PHKA1: variants seen among roughly 807,000 people sequenced by gnomAD.
PHKA1 encodes the protein phosphorylase b kinase regulatory subunit alpha, skeletal muscle isoform.
A neutral mutation model predicts 110.2 loss-of-function variants in PHKA1; 60 were observed. The ratio of observed to expected loss-of-function variants is 0.54; its 90% CI spans 0.44 to 0.68. The LOEUF (loss-of-function observed/expected upper bound fraction) is 0.68. PHKA1 is among the 30% of genes least tolerant of loss of function. The pLI, the probability that PHKA1 is intolerant of heterozygous loss-of-function variation, is 0.00. For missense variants in PHKA1, 801 were observed against 942.5 expected, an observed-to-expected ratio of 0.85 and a Z score of 1.97; for synonymous variants, 316 against 333.6, an observed-to-expected ratio of 0.95 and a Z score of 0.58.
chrX:72,635,767 T>C (rs2053222867), intron 15 of PHKA1, among the ~76,000 whole-genome samples: 2 of 111,795 alleles, frequency 1.8e-5, no homozygotes, highest in South Asian at 7.5e-4. Context: ...CTCCTCCCCA[T>C]AAACACATAC....
At chrX:72,591,204 C>G (rs1463973613) in intron 29 of PHKA1, among the ~76,000 whole-genome samples, 5 of 112,041 alleles carry the variant, frequency 4.5e-5, no homozygotes, top group Non-Finnish European at 7.5e-5. Context: ...AAATGTGGCA[C>G]ATATATACCA....
At chrX:72,642,654 T>TA (rs781972907) in intron 14 of PHKA1, among the ~76,000 whole-genome samples, 8 of 110,850 alleles carry the variant, frequency 7.2e-5, no homozygotes, top group African/African-American at 2.6e-4. Flanking sequence ...GTAACCCACC[T>TA]AGCAAAGCAT....
intron 20 of PHKA1, 50 bp downstream of exon 20, chrX:72,619,164 G>C (rs782652002): frequency 4.0e-6 from 3 of 753,315 alleles, no homozygotes; most frequent in Non-Finnish European, 6.2e-6. Flanking sequence ...TTCCCATAAA[G>C]ATGGCAGTTT....
At chrX:72,656,099 A>T in intron 10 of PHKA1, 21 bp downstream of exon 10, 1 of 1,207,151 alleles carries the variant, frequency 8.3e-7, no homozygotes, top group East Asian at 3.0e-5. Flanking sequence ...TCTGCTGAAA[A>T]CTCTTTCCCC....
At chrX:72,622,190 G>A (rs1742231388) in intron 18 of PHKA1, 1 of 751,200 alleles carries the variant, frequency 1.3e-6, no homozygotes, top group African/African-American at 2.3e-5. Flanking sequence ...GGTGCTTAGT[G>A]AGTAAATGTC....
At chrX:72,581,624 T>G (rs781923919) in intron 31 of PHKA1, among the ~76,000 whole-genome samples, 1 of 111,909 alleles carries the variant, frequency 8.9e-6, no homozygotes, top group African/African-American at 3.2e-5. Flanking sequence ...ATAGACTAAG[T>G]TTTCTGAGGC....
At chrX:72,606,353 T>G (rs1176466883) in intron 23 of PHKA1, among the ~76,000 whole-genome samples, 2 of 100,462 alleles carry the variant, frequency 2.0e-5, no homozygotes, top group African/African-American at 7.0e-5. Flanking sequence ...TTCACACACA[T>G]GCACACACAC....
intron 3 of PHKA1, among the ~76,000 whole-genome samples, chrX:72,698,232 A>G (rs1031471206): frequency 2.2e-4 from 24 of 111,146 alleles, no homozygotes; most frequent in Admixed American, 8.6e-4. Context: ...TGGCATGCCT[A>G]ATGTGTCCTT....
chrX:72,627,201 A>G, intron 16 of PHKA1, 152 bp from the exon 17 acceptor site: 1 of 490,445 alleles, frequency 2.0e-6, no homozygotes, highest in Non-Finnish European at 3.6e-6. Context: ...TTCATCTGAG[A>G]GCCAACAACA....
At chrX:72,596,425 T>C (rs1345871529) in intron 28 of PHKA1, among the ~76,000 whole-genome samples, 1 of 111,670 alleles carries the variant, frequency 9.0e-6, no homozygotes, top group Non-Finnish European at 1.9e-5. Context: ...TTAAAAATTT[T>C]TTAAAGGATA....
intron 13 of PHKA1, among the ~76,000 whole-genome samples, chrX:72,647,453 C>A (rs1433124607): frequency 2.7e-5 from 3 of 111,690 alleles, no homozygotes; most frequent in Admixed American, 9.5e-5. Flanking sequence ...GTGAGACACC[C>A]AAGTGAGGCT....
chrX:72,596,142 T>C (rs1464342505), intron 28 of PHKA1, among the ~76,000 whole-genome samples: 2 of 111,975 alleles, frequency 1.8e-5, no homozygotes, highest in African/African-American at 6.5e-5. Flanking sequence ...TTGCAAAATA[T>C]GACAGTGTCG....
At chrX:72,606,859 G>A (rs2052736076) in intron 23 of PHKA1, among the ~76,000 whole-genome samples, 2 of 111,061 alleles carry the variant, frequency 1.8e-5, no homozygotes, top group Admixed American at 9.5e-5. Context: ...CACCCCCAAC[G>A]CCCATAAACC....
chrX:72,696,354 G>A (rs782557436), intron 3 of PHKA1, among the ~76,000 whole-genome samples: 11 of 112,047 alleles, frequency 9.8e-5, no homozygotes, highest in African/African-American at 3.6e-4. Flanking sequence ...CATAGAGTGA[G>A]GGAGTAAAGG....
chrX:72,700,039 C>A (rs992912864), intron 3 of PHKA1, among the ~76,000 whole-genome samples: 2 of 112,118 alleles, frequency 1.8e-5, no homozygotes, highest in Non-Finnish European at 3.8e-5. Context: ...CATTAACCAA[C>A]TCCACCAACT....
intron 2 of PHKA1, among the ~76,000 whole-genome samples, chrX:72,710,460 G>A (rs1386328567): frequency 8.9e-6 from 1 of 112,137 alleles, no homozygotes; most frequent in Non-Finnish European, 1.9e-5. Flanking sequence ...CAATCACAGA[G>A]CTGAGTAGTT....
At chrX:72,659,542 C>A (rs1298570379) in intron 8 of PHKA1, among the ~76,000 whole-genome samples, 1 of 111,583 alleles carries the variant, frequency 9.0e-6, no homozygotes, top group Non-Finnish European at 1.9e-5. Flanking sequence ...CAGACACACA[C>A]ACATACACAC....
At chrX:72,711,121 A>G (rs2054375055) in intron 2 of PHKA1, among the ~76,000 whole-genome samples, 3 of 109,708 alleles carry the variant, frequency 2.7e-5, no homozygotes, top group African/African-American at 9.9e-5. Context: ...TCGGCCTCCC[A>G]AAGTGCTGGG....
intron 6 of PHKA1, among the ~76,000 whole-genome samples, chrX:72,674,082 T>C (rs1359452140): frequency 9.3e-6 from 1 of 108,007 alleles, no homozygotes. Context: ...TTGGGATAGT[T>C]TGCTGAGAAT....
Sources: allele counts gnomAD v4.1 joint callset (sites outside exome capture counted in the v4.1 genomes callset), GRCh38; gene constraint gnomAD v4.1.1; transcripts MANE v1.5; gene names NCBI Gene and HGNC (gene_info 2026-07-23, HGNC 2026-07-21).